Variants in DGKI observed in about 807,000 individuals in gnomAD.
DGKI encodes the protein diacylglycerol kinase iota, also known as DAG kinase iota.
DGKI carries 55 observed loss-of-function variants against 147.5 expected under a neutral mutation model. That is an observed-to-expected ratio of 0.37 (90% CI 0.30 to 0.47). The LOEUF (loss-of-function observed/expected upper bound fraction) is 0.47, where lower values mean the gene tolerates loss of function less well. Ranked by LOEUF, DGKI falls within the 20% of genes least tolerant of loss-of-function variation. The pLI is 1.00. For synonymous variants in DGKI, 469 were observed against 477.1 expected (o/e 0.98, Z 0.22); for missense variants, 1,007 against 1,323.8 (o/e 0.76, Z 3.71).
At chr7:137,589,459 T>C (rs1195299301) in intron 12 of DGKI, among the ~76,000 whole-genome samples, 2 of 152,214 alleles carry the variant, frequency 1.3e-5, no homozygotes, top group African/African-American at 4.8e-5. Context: ...GACAGATCCT[T>C]AGATTCTGAC....
intron 20 of DGKI, among the ~76,000 whole-genome samples, chr7:137,534,228 T>C (rs1446463770): frequency 6.6e-6 from 1 of 152,156 alleles, no homozygotes; most frequent in Non-Finnish European, 1.5e-5. Flanking sequence ...ATGTCAGTTC[T>C]TATTCTAGTA....
intron 28 of DGKI, among the ~76,000 whole-genome samples, chr7:137,431,370 T>C (rs1368381173): frequency 6.6e-6 from 1 of 152,034 alleles, no homozygotes. Context: ...CCCTTTTCAA[T>C]AATCATTGGC....
chr7:137,663,143 A>T (rs996907734), intron 3 of DGKI, among the ~76,000 whole-genome samples: 1 of 152,368 alleles, frequency 6.6e-6, no homozygotes, highest in South Asian at 2.1e-4. Context: ...CAGTCCACCA[A>T]TTATTTTAAC....
chr7:137,842,987 C>T (rs1264754026), intron 1 of DGKI, among the ~76,000 whole-genome samples: 3 of 152,098 alleles, frequency 2.0e-5, no homozygotes, highest in East Asian at 1.9e-4. Context: ...AGGGAAGCAG[C>T]GTGATGCGGT....
At chr7:137,528,682 G>A (rs557451488) in intron 20 of DGKI, among the ~76,000 whole-genome samples, 19 of 152,158 alleles carry the variant, frequency 1.2e-4, no homozygotes, top group African/African-American at 3.4e-4. Flanking sequence ...AGCAATCTTC[G>A]ATCTCATCTA....
chr7:137,812,503 A>G (rs1361801868), intron 1 of DGKI, among the ~76,000 whole-genome samples: 1 of 152,226 alleles, frequency 6.6e-6, no homozygotes, highest in Non-Finnish European at 1.5e-5. Flanking sequence ...AGGATGACTG[A>G]TAAAGAAACC....
At chr7:137,421,516 TG>T (rs1416838543) in intron 28 of DGKI, among the ~76,000 whole-genome samples, 1 of 152,210 alleles carries the variant, frequency 6.6e-6, no homozygotes, top group Non-Finnish European at 1.5e-5. Context: ...TGTTCCCTCC[TG>T]GCAGAAAACC....
intron 1 of DGKI, among the ~76,000 whole-genome samples, chr7:137,787,135 C>A (rs113038285): frequency 0.079 from 12,038 of 152,118 alleles, 532 homozygotes; most frequent in Admixed American, 0.11. Context: ...AGCACTTAAA[C>A]TAAAAACCTT....
At chr7:137,410,368 G>T (rs965694151) in intron 29 of DGKI, among the ~76,000 whole-genome samples, 5 of 152,332 alleles carry the variant, frequency 3.3e-5, no homozygotes, top group African/African-American at 7.2e-5. Context: ...TCGTGCCACT[G>T]CACTCCAGCC....
At chr7:137,722,425 G>T (rs568115306) in intron 1 of DGKI, 5 of 1,611,616 alleles carry the variant, frequency 3.1e-6, no homozygotes, top group Non-Finnish European at 4.2e-6. Flanking sequence ...CATTACCCCC[G>T]GGACCATTCT....
At position 137,602,205 on chromosome 7, in the gene DGKI, G is replaced by C. The variant is rs142878675; in HGVS notation, c.1168-2300C>G. On this transcript the variant is annotated intron_variant, in intron 10 of 32. Coordinates refer to ENST00000614521, the MANE Select transcript of DGKI (RefSeq NM_001321708.2). Reference sequence around the variant, plus strand: ...TCCTAGAGTAGTTTGAATTGTTGATGTTAATTACTCCTTTCCACCTGTGCT... The same window carrying C: ...TCCTAGAGTAGTTTGAATTGTTGATCTTAATTACTCCTTTCCACCTGTGCT... Among the ~76,000 whole-genome samples, 4 of 152,284 alleles carry C rather than the reference G, an allele frequency of 2.6e-5. No homozygotes were observed. In the East Asian group the frequency reaches 7.7e-4, roughly 29 times the overall value.
intron 31 of DGKI, 180 bp from the exon 32 acceptor site, chr7:137,395,877 C>A: frequency 1.8e-6 from 1 of 562,090 alleles, no homozygotes; most frequent in Non-Finnish European, 3.2e-6. Flanking sequence ...CTTGAGCTAG[C>A]CATCAACTGA....
intron 6 of DGKI, among the ~76,000 whole-genome samples, chr7:137,631,667 G>A (rs967668674): frequency 6.6e-6 from 1 of 152,032 alleles, no homozygotes; most frequent in Non-Finnish European, 1.5e-5. Flanking sequence ...CTATACTAGA[G>A]GATTTAACAC....
chr7:137,598,082 C>A (rs1819860632), intron 11 of DGKI, among the ~76,000 whole-genome samples, 175 bp from the exon 12 acceptor site: 1 of 152,142 alleles, frequency 6.6e-6, no homozygotes, highest in African/African-American at 2.4e-5. Flanking sequence ...ATGACTCCCA[C>A]CAGTGGAACA....
At chr7:137,686,968 GTTTT>G (rs1045468449) in intron 2 of DGKI, among the ~76,000 whole-genome samples, 1 of 151,904 alleles carries the variant, frequency 6.6e-6, no homozygotes, top group Admixed American at 6.6e-5. Flanking sequence ...CACCATGAAC[GTTTT>G]TTTTAATCTT....
chr7:137,524,444 A>C (rs1044013242), intron 20 of DGKI, among the ~76,000 whole-genome samples: 2 of 152,204 alleles, frequency 1.3e-5, no homozygotes, highest in Non-Finnish European at 2.9e-5. Context: ...ACAATAATGC[A>C]GGACAAGAAT....
At chr7:137,672,062 C>T (rs1418169449) in intron 3 of DGKI, among the ~76,000 whole-genome samples, 1 of 152,198 alleles carries the variant, frequency 6.6e-6, no homozygotes, top group Non-Finnish European at 1.5e-5. Flanking sequence ...CACCATCTAC[C>T]TACTCTGTTC....
intron 6 of DGKI, among the ~76,000 whole-genome samples, chr7:137,625,895 T>G (rs2128999834): frequency 6.6e-6 from 1 of 152,320 alleles, no homozygotes; most frequent in East Asian, 1.9e-4. Context: ...TAAGCTGTTC[T>G]GTTTAGGCAG....
rs1554442884 is a variant in DGKI at position 137,620,021 on chromosome 7, A to ACACACG, written c.877-82_877-81insCGTGTG. On this transcript the variant is annotated intron_variant, in intron 7 of 32. Coordinates refer to ENST00000614521, the MANE Select transcript of DGKI (RefSeq NM_001321708.2). ...AGAAGGGATAAATATGTACACACGC[A>ACACACG]CACACACACACACACACACACACAC... 30 of 437,446 alleles carry ACACACG rather than the reference A, an allele frequency of 6.9e-5. No individual in the cohort carries two copies. The African/African-American group carries it at 1.6e-3, about 24-fold the overall frequency. The allele number at this position is 437,446 out of a possible 1,614,324, so 27.1% of individuals were successfully genotyped here.
Sources: allele counts gnomAD v4.1 joint callset (sites outside exome capture counted in the v4.1 genomes callset), GRCh38; gene constraint gnomAD v4.1.1; transcripts MANE v1.5; gene names NCBI Gene and HGNC (gene_info 2026-07-23, HGNC 2026-07-21).